The following PALM2AKAP2 variants were observed in gnomAD, a reference collection of about 807,000 sequenced individuals.
PALM2AKAP2 encodes PALM2-AKAP2 fusion protein.
In PALM2AKAP2, 37 loss-of-function variants were observed where a neutral mutation model predicts 71.5. The observed-to-expected ratio is 0.52, with a 90% CI of 0.40 to 0.68. The LOEUF (loss-of-function observed/expected upper bound fraction) is 0.68. Ranked by LOEUF, PALM2AKAP2 falls within the 30% of genes least tolerant of loss-of-function variation. The pLI is 0.00. For synonymous variants in PALM2AKAP2, 468 were observed against 478.8 expected (o/e 0.98, Z 0.29); for missense variants, 1,224 against 1,191.8 (o/e 1.03, Z -0.40).
At chr9:110,008,917 C>T (rs1352449620) in intron 6 of PALM2AKAP2, among the ~76,000 whole-genome samples, 1 of 151,640 alleles carries the variant, frequency 6.6e-6, no homozygotes, top group Admixed American at 6.6e-5. Flanking sequence ...CCTTGCTGCC[C>T]ACATCCAATG....
chr9:109,776,667 G>A (rs888468956), upstream of PALM2AKAP2, among the ~76,000 whole-genome samples: 1 of 152,122 alleles, frequency 6.6e-6, no homozygotes, highest in Non-Finnish European at 1.5e-5. Context: ...TCTCACTATG[G>A]CTTTTAATAT....
chr9:109,879,191 G>A (rs1829786941), intron 2 of PALM2AKAP2, among the ~76,000 whole-genome samples: 1 of 152,226 alleles, frequency 6.6e-6, no homozygotes, highest in Admixed American at 6.5e-5. Flanking sequence ...CTTTAGAAGA[G>A]TTCTTTCCTT....
chr9:110,109,111 A>G (rs1835180510), intron 1 of PALM2AKAP2, among the ~76,000 whole-genome samples: 1 of 152,086 alleles, frequency 6.6e-6, no homozygotes, highest in African/African-American at 2.4e-5. Flanking sequence ...TGAGGTCAGG[A>G]GTTCGAGACC....
chr9:110,024,404 GA>G (rs1451866817), intron 7 of PALM2AKAP2, among the ~76,000 whole-genome samples: 6 of 149,680 alleles, frequency 4.0e-5, no homozygotes, highest in Admixed American at 1.3e-4. Context: ...GGATGATGAT[GA>G]TTTTTTTTTT....
chr9:109,756,719 C>G lies in PALM2AKAP2; in HGVS notation c.6-23769C>G, dbSNP rs1437734670. On this transcript the variant is annotated intron_variant, in intron 1 of 6. Transcript: ENST00000374531. Reference sequence around the variant, plus strand: ...TTAACCAGATACTCTATGCACTTTACTGGATATCCCATTATTTCACCACCA... The same window carrying G: ...TTAACCAGATACTCTATGCACTTTAGTGGATATCCCATTATTTCACCACCA... 8.5e-5 allele frequency among the ~76,000 whole-genome samples: 13 copies of G among 152,300 alleles called. No homozygotes were observed. The East Asian group carries it at 2.5e-3, about 29-fold the overall frequency.
intron 1 of PALM2AKAP2, among the ~76,000 whole-genome samples, chr9:109,750,512 T>A (rs1236356398): frequency 1.3e-5 from 2 of 151,794 alleles, no homozygotes; most frequent in Admixed American, 6.6e-5. Flanking sequence ...TGGTCAAGGG[T>A]GGCCAACCAG....
intron 6 of PALM2AKAP2, chr9:109,943,105 T>C: frequency 2.5e-6 from 4 of 1,614,190 alleles, no homozygotes; most frequent in Non-Finnish European, 3.4e-6. Flanking sequence ...GGAGGCAAAC[T>C]TGGATCAGCC....
chr9:109,678,241 C>A (rs1040200706), intron 1 of PALM2AKAP2, among the ~76,000 whole-genome samples: 1 of 152,200 alleles, frequency 6.6e-6, no homozygotes, highest in Non-Finnish European at 1.5e-5. Context: ...TGGACGGCAA[C>A]ATGACTGTCC....
At chr9:109,680,323 A>C (rs1411362860) in intron 1 of PALM2AKAP2, among the ~76,000 whole-genome samples, 1 of 152,246 alleles carries the variant, frequency 6.6e-6, no homozygotes, top group Non-Finnish European at 1.5e-5. Context: ...TGGTCAGAGC[A>C]GAACAGTCAC....
chr9:109,819,689 T>A (rs1487455086), intron 1 of PALM2AKAP2, among the ~76,000 whole-genome samples: 1 of 94,754 alleles, frequency 1.1e-5, no homozygotes, highest in Non-Finnish European at 2.2e-5. Flanking sequence ...AAAGGCCTAA[T>A]TATGTGTGTG....
rs528976784 is a variant in PALM2AKAP2 at position 109,856,135 on chromosome 9, C to T, written c.46-11356C>T. ...AACTGTTTTTTGGAGAGCAATTTGT[C>T]CCTATTAGAGTTTTATGTGTTCAAA... On this transcript the variant is annotated intron_variant, in intron 1 of 9. Coordinates refer to the PALM2AKAP2 transcript ENST00000302798. Among the ~76,000 whole-genome samples, 8 of 152,246 alleles carry T rather than the reference C, an allele frequency of 5.3e-5. No homozygotes were observed. The East Asian group carries it at 1.5e-3, about 29-fold the overall frequency.
At chr9:110,042,781 T>A (rs1833530785) in intron 7 of PALM2AKAP2, among the ~76,000 whole-genome samples, 1 of 152,192 alleles carries the variant, frequency 6.6e-6, no homozygotes, top group Non-Finnish European at 1.5e-5. Context: ...TTCTGAATTA[T>A]TTTTTTAAAA....
intron 2 of PALM2AKAP2, among the ~76,000 whole-genome samples, chr9:110,154,000 G>A (rs1365237241): frequency 6.6e-6 from 1 of 152,150 alleles, no homozygotes; most frequent in Non-Finnish European, 1.5e-5. Flanking sequence ...GAGGTCAACT[G>A]GAAAATGATG....
At chr9:109,672,551 G>C (rs1244990834) in intron 1 of PALM2AKAP2, among the ~76,000 whole-genome samples, 1 of 152,050 alleles carries the variant, frequency 6.6e-6, no homozygotes, top group Non-Finnish European at 1.5e-5. Flanking sequence ...AAGAATATTG[G>C]CTTAAAGTTT....
exon 2 of PALM2AKAP2, chr9:109,867,570 A>C (rs747653938): frequency 1.8e-5 from 29 of 1,612,310 alleles, no homozygotes; most frequent in Non-Finnish European, 2.4e-5. Context: ...CAGCATTCCA[A>C]GGTAAGCAGC....
chr9:110,017,852 C>G (rs111461960), intron 7 of PALM2AKAP2, among the ~76,000 whole-genome samples: 7,217 of 151,880 alleles, frequency 0.048, 543 homozygotes, highest in African/African-American at 0.16. Context: ...CTCAGCCTCC[C>G]GAGTAGCTGG....
At chr9:109,963,343 C>T (rs1831886397) in intron 6 of PALM2AKAP2, among the ~76,000 whole-genome samples, 1 of 152,160 alleles carries the variant, frequency 6.6e-6, no homozygotes, top group African/African-American at 2.4e-5. Flanking sequence ...AGGTCAAGCC[C>T]ATAGACATAT....
intron 1 of PALM2AKAP2, among the ~76,000 whole-genome samples, chr9:109,847,379 A>C (rs1828888006): frequency 6.6e-6 from 1 of 152,220 alleles, no homozygotes; most frequent in African/African-American, 2.4e-5. Context: ...TAGAGCCTCC[A>C]AAGGGAGTGT....
chr9:110,021,121 T>A (rs1242410686), intron 7 of PALM2AKAP2, among the ~76,000 whole-genome samples: 5 of 152,082 alleles, frequency 3.3e-5, no homozygotes, highest in Non-Finnish European at 5.9e-5. Flanking sequence ...ATAATACTAA[T>A]AATCTTGAGA....
Sources: gnomAD v4.1 joint callset for allele counts (sites outside exome capture counted in the v4.1 genomes callset) on GRCh38, gnomAD v4.1.1 for gene constraint, MANE v1.5 for transcripts, NCBI Gene and HGNC (gene_info 2026-07-23, HGNC 2026-07-21) for gene names.